ARNT2: variants seen among roughly 807,000 people sequenced by gnomAD.
The protein encoded by ARNT2 is aryl hydrocarbon receptor nuclear translocator 2, also known as ARNT protein 2.
ARNT2 carries 36 observed loss-of-function variants against 91.7 expected under a neutral mutation model. The ratio of observed to expected loss-of-function variants is 0.39; its 90% CI spans 0.30 to 0.52. The LOEUF is 0.52. Among genes scored for constraint, ARNT2 ranks in the 20% least tolerant of loss-of-function variants. The probability of loss-of-function intolerance (pLI) is 0.72; values close to 1 mark genes in which losing one functional copy is unlikely to be tolerated. For missense variants in ARNT2, 775 were observed against 939.3 expected, an observed-to-expected ratio of 0.83 and a Z score of 2.29; for synonymous variants, 365 against 347.1, an observed-to-expected ratio of 1.05 and a Z score of -0.57.
chr15:80,502,276 A>T (rs997615825), intron 5 of ARNT2, among the ~76,000 whole-genome samples: 1 of 152,242 alleles, frequency 6.6e-6, no homozygotes, highest in Non-Finnish European at 1.5e-5. Context: ...AAGTTCCCAG[A>T]TGTGGCAGTG....
Position 80,430,738 on chromosome 15 carries a change from G to A in ARNT2, c.32-20142G>A, listed in dbSNP as rs141553268. ...TTGCCTTAGTGACAGAGAAGTAATC[G>A]GAACTGGGAAATGTGGGAATGAAGG... On this transcript the variant is annotated intron_variant, in intron 1 of 18. Coordinates refer to ENST00000303329, the MANE Select transcript of ARNT2 (RefSeq NM_014862.4). Among the ~76,000 whole-genome samples, 438 of 152,236 alleles carry A rather than the reference G, an allele frequency of 2.9e-3. 2 individuals carry two copies. The highest frequency in any genetic ancestry group is 3.9e-3 in the Non-Finnish European group (267 of 68,038).
At chr15:80,448,988 A>C (rs184184895) in intron 1 of ARNT2, among the ~76,000 whole-genome samples, 3,455 of 152,190 alleles carry the variant, frequency 0.023, 52 homozygotes, top group Middle Eastern at 0.037. Flanking sequence ...CCGTCTCAAA[A>C]AAAACAAAAC....
chr15:80,524,400 G>A (rs1393299055), intron 8 of ARNT2, among the ~76,000 whole-genome samples: 6 of 152,134 alleles, frequency 3.9e-5, no homozygotes, highest in Non-Finnish European at 2.9e-5. Context: ...ATGCTTTTAG[G>A]AACTTATTTC....
chr15:80,440,681 G>T (rs1271792428), intron 1 of ARNT2, among the ~76,000 whole-genome samples: 1 of 152,190 alleles, frequency 6.6e-6, no homozygotes, highest in Non-Finnish European at 1.5e-5. Context: ...CTGCCTACTA[G>T]AAGGGGCTCA....
chr15:80,414,596 T>A (rs1895749982), intron 1 of ARNT2, among the ~76,000 whole-genome samples: 1 of 152,236 alleles, frequency 6.6e-6, no homozygotes, highest in African/African-American at 2.4e-5. Flanking sequence ...TGCAAAAAGT[T>A]ATTTTATTAT....
At chr15:80,551,650 T>A (rs1445588890) in intron 9 of ARNT2, among the ~76,000 whole-genome samples, 1 of 152,206 alleles carries the variant, frequency 6.6e-6, no homozygotes, top group Non-Finnish European at 1.5e-5. Context: ...TCTCACATCT[T>A]ATTCCCACAC....
rs775987584 is a variant in ARNT2, at chr15:80,596,147, C to T, written c.*2449C>T. The T allele has an allele frequency of 6.6e-5, 10 of 152,224 alleles. No individual in the cohort carries two copies. The highest frequency in any genetic ancestry group is 1.5e-4 in the Non-Finnish European group (10 of 68,070). The allele number at this position is 152,224 out of a possible 1,614,324, so 9.4% of individuals were successfully genotyped here. On this transcript the variant is annotated 3_prime_UTR_variant, in exon 19 of 19. Transcript: ENST00000303329. ...GGATGCAACAAAATTAGGAGAGGAT[C>T]CTTGCTCCCAACGTCTACTTCTCCT...
intron 8 of ARNT2, 77 bp downstream of exon 8, chr15:80,514,482 A>G (rs987547656): frequency 7.2e-6 from 9 of 1,253,608 alleles, no homozygotes; most frequent in Middle Eastern, 1.9e-4. Context: ...TTAGAGAAGT[A>G]TTCTCATAGG....
chr15:80,550,979 A>G, intron 8 of ARNT2: 1 of 507,840 alleles, frequency 2.0e-6, no homozygotes, highest in Non-Finnish European at 3.5e-6. Flanking sequence ...TGCATCATCC[A>G]CAGATGGAGA....
At chr15:80,499,199 G>T (rs1380827090) in intron 5 of ARNT2, among the ~76,000 whole-genome samples, 1 of 152,118 alleles carries the variant, frequency 6.6e-6, no homozygotes, top group African/African-American at 2.4e-5. Context: ...GCAATTCTTG[G>T]CATATCAATG....
chr15:80,562,214 A>G (rs1045593938), intron 11 of ARNT2, among the ~76,000 whole-genome samples: 4 of 151,940 alleles, frequency 2.6e-5, no homozygotes, highest in South Asian at 2.1e-4. Context: ...AGCTGGGATT[A>G]CAGGCATGGG....
chr15:80,528,806 T>C (rs1449713255), intron 8 of ARNT2, among the ~76,000 whole-genome samples: 2 of 152,228 alleles, frequency 1.3e-5, no homozygotes, highest in East Asian at 3.8e-4. Flanking sequence ...GTGCTTTTTA[T>C]ACATCCTGCA....
chr15:80,484,575 A>C (rs1324625357), intron 5 of ARNT2, among the ~76,000 whole-genome samples: 1 of 152,236 alleles, frequency 6.6e-6, no homozygotes, highest in South Asian at 2.1e-4. Context: ...CATGCATAGC[A>C]TGGCTGATGC....
rs771603590 is a variant in ARNT2 at position 80,581,305 on chromosome 15, C to T, written c.1819C>T (p.Pro607Ser). The T allele has an allele frequency of 6.2e-7, 1 of 1,614,180 alleles. No homozygotes were observed. Among genetic ancestry groups the T allele is most frequent in the Non-Finnish European group, 8.5e-7 (1 of 1,180,020 alleles). ...PFGIGTSHTY[P>S]ADPSSYSPLS... ...TGGGATTGGAACGAGCCACACCTAC[C>T]CGGCAGACCCCTCTTCCTACAGCCC... Residue 607 changes from proline (P) to serine (S), a missense_variant, in exon 17 of 19, where the codon CCG (proline) becomes TCG (serine). Physicochemically the swap from Pro to Ser is moderately conservative, Grantham distance 74 (BLOSUM62 -1). Coordinates refer to ENST00000303329, the MANE Select transcript of ARNT2 (RefSeq NM_014862.4).
At chr15:80,562,798 AT>A in intron 11 of ARNT2, 1 of 421,688 alleles carries the variant, frequency 2.4e-6, no homozygotes, top group Non-Finnish European at 4.3e-6. Flanking sequence ...TCATGATCTC[AT>A]TTGTAAAAGC....
In ARNT2 at chr15:80,405,008, T is replaced by C. The variant is rs146215531; in HGVS notation, c.31+462T>C. Among the ~76,000 whole-genome samples the C allele has an allele frequency of 9.0e-5, 13 of 144,524 alleles. No individual in the cohort carries two copies. In the East Asian group the frequency reaches 2.1e-3, roughly 23 times the overall value. The allele number at this position is 144,524 out of a possible 152,430, so 94.8% of individuals were successfully genotyped here. On this transcript the variant is annotated intron_variant, in intron 1 of 18. Coordinates refer to ENST00000303329, the MANE Select transcript of ARNT2 (RefSeq NM_014862.4). ...GGGTACAACTCCCGGGACTCTCCCCTGCCCGCCCCGCCCACTAAGCGCTGG... is the reference window on the plus strand; with the variant it reads ...GGGTACAACTCCCGGGACTCTCCCCCGCCCGCCCCGCCCACTAAGCGCTGG...
At chr15:80,539,849 T>G (rs560085371) in intron 8 of ARNT2, among the ~76,000 whole-genome samples, 2 of 151,538 alleles carry the variant, frequency 1.3e-5, no homozygotes, top group Non-Finnish European at 2.9e-5. Context: ...TCACCCCATC[T>G]AGGATGGCTA....
At chr15:80,522,798 A>ACG (rs1897573503) in intron 8 of ARNT2, among the ~76,000 whole-genome samples, 1 of 142,438 alleles carries the variant, frequency 7.0e-6, no homozygotes, top group East Asian at 2.0e-4. Flanking sequence ...ATATTTACAT[A>ACG]TGTGTGTGTG....
intron 5 of ARNT2, among the ~76,000 whole-genome samples, chr15:80,486,942 G>C (rs1169391633): frequency 1.3e-5 from 2 of 152,144 alleles, no homozygotes; most frequent in Non-Finnish European, 2.9e-5. Context: ...TCACTTTCCT[G>C]CTCTATTCCT....
Sources: gnomAD v4.1 joint callset for allele counts (sites outside exome capture counted in the v4.1 genomes callset) on GRCh38, gnomAD v4.1.1 for gene constraint, MANE v1.5 for transcripts, NCBI Gene and HGNC (gene_info 2026-07-23, HGNC 2026-07-21) for gene names.